Variants in PCDH15 observed in about 807,000 individuals in gnomAD.
The protein encoded by PCDH15 is protocadherin related 15, also known as protocadherin-15.
A neutral mutation model predicts 178.5 loss-of-function variants in PCDH15; 129 were observed. The ratio of observed to expected loss-of-function variants is 0.72; its 90% CI spans 0.63 to 0.84. PCDH15 has a LOEUF of 0.84. Ranked by LOEUF, PCDH15 falls within the 40% of genes least tolerant of loss-of-function variation. The probability of loss-of-function intolerance (pLI) is 0.00; values close to 1 mark genes in which losing one functional copy is unlikely to be tolerated. For synonymous variants in PCDH15, 800 were observed against 732.0 expected (o/e 1.09, Z -1.50); for missense variants, 2,230 against 2,099.9 (o/e 1.06, Z -1.21).
At chr10:54,593,900 A>G (rs188852289) in intron 2 of PCDH15, among the ~76,000 whole-genome samples, 3 of 152,052 alleles carry the variant, frequency 2.0e-5, no homozygotes, top group Admixed American at 1.3e-4. Flanking sequence ...AGATGCAGCC[A>G]GGAGAAACAT....
chr10:55,585,743 ATATATATATGTGTGTGTG>A (rs954366004), intron 2 of PCDH15, among the ~76,000 whole-genome samples: 15 of 151,868 alleles, frequency 9.9e-5, no homozygotes, highest in Non-Finnish European at 2.1e-4. Flanking sequence ...ATGTGTGTGT[ATATATATATGTGTGTGTG>A]TATATATATG....
intron 3 of PCDH15, among the ~76,000 whole-genome samples, chr10:54,502,623 G>A (rs2080800567): frequency 6.6e-6 from 1 of 152,214 alleles, no homozygotes; most frequent in African/African-American, 2.4e-5. Flanking sequence ...GGTTTAACAT[G>A]TACTTGTTGG....
intron 2 of PCDH15, among the ~76,000 whole-genome samples, chr10:54,978,872 T>C (rs1394237969): frequency 6.6e-6 from 1 of 152,172 alleles, no homozygotes; most frequent in East Asian, 1.9e-4. Flanking sequence ...GAGGTATACA[T>C]GTTAGTAAAA....
chr10:54,148,141 A>G (rs1383012813), intron 14 of PCDH15, among the ~76,000 whole-genome samples: 1 of 152,068 alleles, frequency 6.6e-6, no homozygotes, highest in Non-Finnish European at 1.5e-5. Context: ...AGATGAAGCT[A>G]TTATTTAAAA....
rs16915216 is a variant in PCDH15, at chr10:55,594,127, A to C, written c.-156+33498T>G. Among the ~76,000 whole-genome samples the C allele has an allele frequency of 4.6e-3, 704 of 152,092 alleles. 6 individuals are homozygous for C. Among genetic ancestry groups the C allele is most frequent in the African/African-American group, 0.016 (671 of 41,570 alleles). Reference sequence around the variant, plus strand: ...CTACTGACATAATTTGCACAATATAAGTACAAATAATAATGAGCAAATTTA... The same window carrying C: ...CTACTGACATAATTTGCACAATATACGTACAAATAATAATGAGCAAATTTA... On this transcript the variant is annotated intron_variant, in intron 2 of 5. Transcript: ENST00000613346.
At chr10:55,067,234 T>C (rs1232812918) in intron 2 of PCDH15, among the ~76,000 whole-genome samples, 3 of 151,966 alleles carry the variant, frequency 2.0e-5, no homozygotes, top group Admixed American at 6.6e-5. Flanking sequence ...CCTCCCTTCA[T>C]CCCCACAACA....
At chr10:54,636,052 C>A (rs1937392) in intron 2 of PCDH15, among the ~76,000 whole-genome samples, 1 of 151,532 alleles carries the variant, frequency 6.6e-6, no homozygotes, top group African/African-American at 2.4e-5. Context: ...AAGTAAGTAA[C>A]GTTAATAATT....
At chr10:54,763,753 A>AATATAT (rs36090343) in intron 1 of PCDH15, among the ~76,000 whole-genome samples, 5 of 146,254 alleles carry the variant, frequency 3.4e-5, no homozygotes, top group Admixed American at 6.9e-5. Flanking sequence ...GTACTATATA[A>AATATAT]ATATATATAT....
intron 13 of PCDH15, among the ~76,000 whole-genome samples, chr10:54,156,156 C>A (rs1219552925): frequency 1.3e-5 from 2 of 152,004 alleles, no homozygotes; most frequent in African/African-American, 4.8e-5. Context: ...AAATTGTGAG[C>A]TATTTGTTTT....
intron 2 of PCDH15, among the ~76,000 whole-genome samples, chr10:55,083,169 C>T (rs1265411960): frequency 6.6e-6 from 1 of 151,170 alleles, no homozygotes; most frequent in Non-Finnish European, 1.5e-5. Context: ...CACTAGCAAA[C>T]AAAATTCTAC....
intron 2 of PCDH15, among the ~76,000 whole-genome samples, chr10:55,427,371 T>C (rs1183064292): frequency 6.6e-6 from 1 of 152,216 alleles, no homozygotes; most frequent in Non-Finnish European, 1.5e-5. Flanking sequence ...ACTAAATGTA[T>C]TGAGTACTTA....
chr10:53,931,439 T>A (rs35553300), intron 25 of PCDH15, among the ~76,000 whole-genome samples: 11,033 of 152,230 alleles, frequency 0.072, 457 homozygotes, highest in East Asian at 0.11. Context: ...GACAAATCTT[T>A]ATTGGGGGTA....
At chr10:55,089,842 T>C (rs1217771504) in intron 2 of PCDH15, among the ~76,000 whole-genome samples, 1 of 152,102 alleles carries the variant, frequency 6.6e-6, no homozygotes, top group Non-Finnish European at 1.5e-5. Context: ...CCTGGAAGGA[T>C]ATTTATTCGG....
intron 1 of PCDH15, among the ~76,000 whole-genome samples, chr10:54,796,322 C>CTATCTATT (rs1554796341): frequency 7.2e-6 from 1 of 139,206 alleles, no homozygotes. Context: ...ATCTATCTAT[C>CTATCTATT]ATCATCATCT....
intron 2 of PCDH15, among the ~76,000 whole-genome samples, chr10:55,602,806 C>T (rs1034616162): frequency 9.9e-5 from 15 of 152,264 alleles, no homozygotes; most frequent in African/African-American, 3.4e-4. Context: ...AACAGAAATA[C>T]TGGAAACTCT....
At chr10:54,772,363 T>C (rs1483970474) in intron 1 of PCDH15, among the ~76,000 whole-genome samples, 1 of 146,760 alleles carries the variant, frequency 6.8e-6, no homozygotes, top group Non-Finnish European at 1.5e-5. Context: ...AAATAAATAA[T>C]TTAAGACATT....
chr10:53,962,192 C>T (rs147172183), intron 21 of PCDH15, among the ~76,000 whole-genome samples: 3 of 152,154 alleles, frequency 2.0e-5, no homozygotes, highest in African/African-American at 7.2e-5. Context: ...TTACATCTTC[C>T]TCCCAAAACA....
intron 2 of PCDH15, among the ~76,000 whole-genome samples, chr10:55,503,345 A>T (rs527430450): frequency 6.7e-6 from 1 of 148,884 alleles, no homozygotes; most frequent in East Asian, 2.0e-4. Context: ...TTTATTAATT[A>T]AAATAAATTT....
intron 2 of PCDH15, among the ~76,000 whole-genome samples, chr10:55,118,343 T>C (rs887758082): frequency 2.0e-5 from 3 of 152,202 alleles, no homozygotes; most frequent in African/African-American, 7.2e-5. Context: ...GTCAGGCGAA[T>C]GTAAGTTGAC....
Sources: gnomAD v4.1 joint callset for allele counts (sites outside exome capture counted in the v4.1 genomes callset) on GRCh38, gnomAD v4.1.1 for gene constraint, MANE v1.5 for transcripts, NCBI Gene and HGNC (gene_info 2026-07-23, HGNC 2026-07-21) for gene names.